Variants in PCDHGB4 observed in about 807,000 individuals in gnomAD.
PCDHGB4 encodes the protein protocadherin gamma-B4.
A neutral mutation model predicts 60.5 loss-of-function variants in PCDHGB4; 38 were observed. The observed-to-expected ratio is 0.63, with a 90% CI of 0.48 to 0.82. The LOEUF (loss-of-function observed/expected upper bound fraction) is 0.82. Ranked by LOEUF, PCDHGB4 falls within the 40% of genes least tolerant of loss-of-function variation. PCDHGB4 has a pLI of 0.00. For synonymous variants in PCDHGB4, 456 were observed against 509.7 expected, an observed-to-expected ratio of 0.89 and a Z score of 1.42; for missense variants, 1,109 against 1,209.6, an observed-to-expected ratio of 0.92 and a Z score of 1.23.
chr5:141,431,725 G>A lies in PCDHGB4; in HGVS notation c.2397+41444G>A. The A allele has an allele frequency of 6.2e-7, 1 of 1,614,230 alleles. No individual in the cohort carries two copies. Among genetic ancestry groups the A allele is most frequent in the Non-Finnish European group, 8.5e-7 (1 of 1,180,044 alleles). On this transcript the variant is annotated intron_variant, in intron 1 of 3. Coordinates refer to ENST00000519479, the MANE Select transcript of PCDHGB4 (RefSeq NM_003736.4). The surrounding 1 kb of genome is among the most constrained non-coding windows in gnomAD (Gnocchi z 4.8). Reference sequence around the variant, plus strand: ...TCTACCAGATGGAAGTGCAAGCAATGGATAATGCAGGATATTCTGCGCGAG... The same window carrying A: ...TCTACCAGATGGAAGTGCAAGCAATAGATAATGCAGGATATTCTGCGCGAG...
chr5:141,501,323 A>G (rs2099807887), intron 2 of PCDHGB4, among the ~76,000 whole-genome samples: 1 of 151,850 alleles, frequency 6.6e-6, no homozygotes, highest in East Asian at 1.9e-4. Flanking sequence ...ACACACACAC[A>G]CACACACACA....
chr5:141,448,834 A>G (rs910945659), intron 1 of PCDHGB4, among the ~76,000 whole-genome samples: 2 of 151,780 alleles, frequency 1.3e-5, no homozygotes, highest in African/African-American at 4.8e-5. Context: ...AGTCCCAGCT[A>G]CTCTGGAGGC....
chr5:141,477,432 C>T lies in PCDHGB4; in HGVS notation c.2398-17375C>T, dbSNP rs1184041591. 6.2e-7 allele frequency: 1 copy of T among 1,614,186 alleles called. No individual in the cohort carries two copies. Among genetic ancestry groups the T allele is most frequent in the Admixed American group, 1.7e-5 (1 of 60,028 alleles). ...GACGCCGGAACCCCTTCCCTCTCAG[C>T]CCTTACAATAGTGCGTGTTCAAGTG... On this transcript the variant is annotated intron_variant, in intron 1 of 3. Transcript: ENST00000519479. This position sits in a 1 kb window ranked among gnomAD's most constrained non-coding sequence, Gnocchi z 4.9.
chr5:141,506,742 A>G (rs1475692668), intron 3 of PCDHGB4, among the ~76,000 whole-genome samples: 5 of 152,172 alleles, frequency 3.3e-5, no homozygotes, highest in Non-Finnish European at 7.3e-5. Context: ...AATGCCTATT[A>G]ATAAAGACTA....
chr5:141,421,365 G>A (rs1189449968), intron 1 of PCDHGB4: 2 of 1,614,026 alleles, frequency 1.2e-6, no homozygotes, highest in South Asian at 1.1e-5. Flanking sequence ...GCTCCTTCGT[G>A]GGCAATATCT....
At chr5:141,403,251 C>G (rs1276332038) in intron 1 of PCDHGB4, 41 of 1,613,756 alleles carry the variant, frequency 2.5e-5, no homozygotes, top group Non-Finnish European at 3.4e-5. Context: ...GCTCAGAGCC[C>G]GCGGTGTCTG....
intron 1 of PCDHGB4, chr5:141,395,542 T>G (rs1357533541): frequency 1.8e-5 from 3 of 170,278 alleles, no homozygotes; most frequent in South Asian, 8.8e-5. Context: ...TTGCTATTGT[T>G]TGTGTGTGTG....
At chr5:141,441,730 A>ATGGT in intron 1 of PCDHGB4, 1 of 362,748 alleles carries the variant, frequency 2.8e-6, no homozygotes, top group South Asian at 2.2e-5. Flanking sequence ...CGCGACCAGG[A>ATGGT]CTAGCTCGCG....
chr5:141,428,891 G>A (rs1382228334), intron 1 of PCDHGB4: 3 of 149,832 alleles, frequency 2.0e-5, no homozygotes, highest in East Asian at 3.9e-4. Flanking sequence ...GTCTCGCTCT[G>A]TGGTCCAGGC....
In PCDHGB4 at chr5:141,389,338, T is replaced by C; in HGVS notation, c.1454T>C (p.Val485Ala). 6.2e-7 allele frequency: 1 copy of C among 1,613,982 alleles called. No individual in the cohort carries two copies. Among genetic ancestry groups the C allele is most frequent in the South Asian group, 1.1e-5 (1 of 91,090 alleles). Residue 485 changes from valine (V) to alanine (A), a missense_variant, in exon 1 of 4, where the codon GTC becomes GCC. Val to Ala is a moderately conservative substitution (Grantham distance 64). Coordinates refer to ENST00000519479, the MANE Select transcript of PCDHGB4 (RefSeq NM_003736.4). ...SDPDLGPNGQ[V>A]SYCIMASDLE... is the part of the protein sequence containing the mutation. ...CCGGACTTGGGGCCCAACGGCCAAG[T>C]CTCTTACTGCATCATGGCCAGTGAC...
At chr5:141,421,955 T>A in intron 1 of PCDHGB4, 1 of 1,612,914 alleles carries the variant, frequency 6.2e-7, no homozygotes, top group South Asian at 1.1e-5. Context: ...ATCCCAATGT[T>A]TACACAGTCC....
At chr5:141,413,804 C>G in intron 1 of PCDHGB4, 1 of 1,613,194 alleles carries the variant, frequency 6.2e-7, no homozygotes, top group Non-Finnish European at 8.5e-7. Context: ...GAGGAAGAGG[C>G]CATTCACCAC....
rs1399250599 is a variant in PCDHGB4, at chr5:141,476,902, C to A, written c.2398-17905C>A. On this transcript the variant is annotated intron_variant, in intron 1 of 3. Coordinates refer to ENST00000519479, the MANE Select transcript of PCDHGB4 (RefSeq NM_003736.4). The surrounding 1 kb of genome is among the most constrained non-coding windows in gnomAD (Gnocchi z 7.6). ...TGGAGGATGCACCCTCCGGCACGCG[C>A]GTGGTACAAGTCCTTGCAACGGATC... 5 of 1,613,880 alleles carry A rather than the reference C, an allele frequency of 3.1e-6. No individual in the cohort carries two copies. Among genetic ancestry groups the A allele is most frequent in the South Asian group, 1.1e-5 (1 of 91,090 alleles).
chr5:141,450,608 T>C (rs916441293), intron 1 of PCDHGB4, among the ~76,000 whole-genome samples: 5 of 151,776 alleles, frequency 3.3e-5, no homozygotes, highest in Admixed American at 2.6e-4. Flanking sequence ...TGCCTCAGCC[T>C]CCTGAGTAGC....
At chr5:141,433,995 C>G (rs995723859) in intron 1 of PCDHGB4, among the ~76,000 whole-genome samples, 1 of 152,028 alleles carries the variant, frequency 6.6e-6, no homozygotes, top group Non-Finnish European at 1.5e-5. Context: ...GTTTTATATT[C>G]TCTATATATG....
intron 1 of PCDHGB4, chr5:141,395,576 G>A: frequency 4.2e-6 from 1 of 237,360 alleles, no homozygotes; most frequent in Non-Finnish European, 8.1e-6. Flanking sequence ...GTGTGTGTGT[G>A]TGTGTGTGTG....
chr5:141,497,406 C>T lies in PCDHGB4; in HGVS notation c.2456+2541C>T, dbSNP rs892691245. 1.2e-4 allele frequency among the ~76,000 whole-genome samples: 19 copies of T among 152,174 alleles called. No individual in the cohort carries two copies. The East Asian group carries it at 1.5e-3, about 12-fold the overall frequency. ...AGCACCTTACCCCTGCCTCAACTCC[C>T]ATTCCATCAAATGAGAGGCTTAGTG... On this transcript the variant is annotated intron_variant, in intron 2 of 3. Transcript: ENST00000519479.
intron 2 of PCDHGB4, 76 bp from the exon 3 acceptor site, chr5:141,505,317 G>T: frequency 6.2e-7 from 1 of 1,603,092 alleles, no homozygotes. Flanking sequence ...AGGTTTGGGA[G>T]CCCTGGGAGA....
chr5:141,441,656 C>A, intron 1 of PCDHGB4: 1 of 247,684 alleles, frequency 4.0e-6, no homozygotes, highest in Non-Finnish European at 8.1e-6. Flanking sequence ...TCTAGGTGTC[C>A]TTGAGCGCAC....
Sources: gnomAD v4.1 joint callset for allele counts (sites outside exome capture counted in the v4.1 genomes callset) on GRCh38, gnomAD v4.1.1 for gene constraint, Gnocchi (gnomAD v3.1) non-coding constraint, MANE v1.5 for transcripts, NCBI Gene and HGNC (gene_info 2026-07-23, HGNC 2026-07-21) for gene names.